The following TRPM3 variants were observed in gnomAD, a reference collection of about 807,000 sequenced individuals.
The protein encoded by TRPM3 is transient receptor potential cation channel subfamily M member 3, also known as long transient receptor potential channel 3.
TRPM3 carries 77 observed loss-of-function variants against 181.2 expected under a neutral mutation model. The ratio of observed to expected loss-of-function variants is 0.42; its 90% CI spans 0.35 to 0.51. TRPM3 has a LOEUF of 0.51. TRPM3 is among the 20% of genes least tolerant of loss of function. The probability of loss-of-function intolerance (pLI) is 0.01; values close to 1 mark genes in which losing one functional copy is unlikely to be tolerated. For synonymous variants in TRPM3, 745 were observed against 796.4 expected (o/e 0.94, Z 1.09); for missense variants, 1,759 against 2,196.7 (o/e 0.80, Z 3.98).
chr9:70,748,860 G>A (rs1042008457), intron 8 of TRPM3, among the ~76,000 whole-genome samples: 2 of 152,046 alleles, frequency 1.3e-5, no homozygotes, highest in Non-Finnish European at 2.9e-5. Context: ...CTTGACTGAC[G>A]AGGGTTAAGA....
intron 6 of TRPM3, 21 bp from the exon 7 acceptor site, chr9:70,784,300 A>G (rs772712202): frequency 1.0e-5 from 16 of 1,556,408 alleles, no homozygotes; most frequent in Non-Finnish European, 1.3e-5. Context: ...AAAGGAAAAG[A>G]AAAGGAAAAA....
At chr9:70,595,791 G>A (rs117330557) in intron 21 of TRPM3, among the ~76,000 whole-genome samples, 2,651 of 152,226 alleles carry the variant, frequency 0.017, 31 homozygotes, top group Non-Finnish European at 0.026. Context: ...CATTGTTAAA[G>A]TGCAAAGAAG....
intron 7 of TRPM3, among the ~76,000 whole-genome samples, chr9:70,770,109 G>C (rs1028796894): frequency 2.6e-5 from 4 of 151,950 alleles, no homozygotes; most frequent in Non-Finnish European, 5.9e-5. Context: ...AAACTCAAAG[G>C]GTGTTTAGAA....
chr9:71,242,343 T>G (rs2081757837), intron 1 of TRPM3, among the ~76,000 whole-genome samples: 1 of 152,160 alleles, frequency 6.6e-6, no homozygotes, highest in South Asian at 2.1e-4. Flanking sequence ...AAATGTCTAA[T>G]TTCCCACAGA....
chr9:70,952,853 C>G (rs1343359207), intron 1 of TRPM3, among the ~76,000 whole-genome samples: 1 of 151,980 alleles, frequency 6.6e-6, no homozygotes, highest in East Asian at 1.9e-4. Flanking sequence ...TCAGGGAGAG[C>G]CTCTGAAGGA....
chr9:70,881,185 A>G (rs2095985262), intron 1 of TRPM3, among the ~76,000 whole-genome samples: 1 of 152,152 alleles, frequency 6.6e-6, no homozygotes, highest in Admixed American at 6.6e-5. Context: ...CCTTATGAGT[A>G]TCATGTGAGG....
intron 6 of TRPM3, among the ~76,000 whole-genome samples, chr9:70,801,728 C>A (rs2089131916): frequency 6.6e-6 from 1 of 151,724 alleles, no homozygotes; most frequent in Admixed American, 6.6e-5. Context: ...CTACTTGCTT[C>A]TTTCTACTGC....
intron 1 of TRPM3, among the ~76,000 whole-genome samples, chr9:71,160,401 A>G (rs903609086): frequency 6.6e-6 from 1 of 152,156 alleles, no homozygotes; most frequent in South Asian, 2.1e-4. Context: ...ATCTCTCTCT[A>G]CTTACACATA....
intron 7 of TRPM3, among the ~76,000 whole-genome samples, chr9:70,764,600 A>G (rs776032155): frequency 6.6e-6 from 1 of 152,112 alleles, no homozygotes; most frequent in Non-Finnish European, 1.5e-5. Context: ...TTTGAGCCCA[A>G]TTTCCCAGTT....
At chr9:70,807,696 A>AAGATGAGAGACTGTGAAGGC (rs1564388095) in intron 6 of TRPM3, among the ~76,000 whole-genome samples, 2 of 152,176 alleles carry the variant, frequency 1.3e-5, no homozygotes, top group African/African-American at 4.8e-5. Flanking sequence ...CAATCTACAG[A>AAGATGAGAGACTGTGAAGGC]AGATGAGAGA....
At chr9:71,259,645 A>G (rs779446727) in intron 1 of TRPM3, among the ~76,000 whole-genome samples, 1 of 152,136 alleles carries the variant, frequency 6.6e-6, no homozygotes, top group Non-Finnish European at 1.5e-5. Context: ...ATGACTAGTG[A>G]TGATGAGCCT....
Position 70,635,060 on chromosome 9 carries a change from T to TACACACAC in TRPM3, c.1632+143_1632+150dup, listed in dbSNP as rs5898155. 1.7e-4 allele frequency: 93 copies of TACACACAC among 547,018 alleles called. No homozygotes were observed. In the East Asian group the frequency reaches 1.8e-3, roughly 11 times the overall value. 33.9% of individuals were successfully genotyped at this position (547,018 alleles called of 1,614,324 possible). A position where few individuals can be genotyped will look rare whatever the true frequency, so the allele number is the denominator to read the frequency against. ...AGAAGCATCAGAGTTAAAAGACACATACACACACACACACACACACACTGT... is the reference window on the plus strand; with the variant it reads ...AGAAGCATCAGAGTTAAAAGACACATACACACACACACACACACACACACACACACTGT... On this transcript the variant is annotated intron_variant, in intron 12 of 25. Transcript: ENST00000677713.
rs1588922084 is a variant in TRPM3 at position 71,414,838 on chromosome 9, A to G, written c.183+31815T>C. On this transcript the variant is annotated intron_variant, in intron 1 of 24. Coordinates refer to the TRPM3 transcript ENST00000357533. ...AAATTAAAAATGTGTAGGAAAGACC[A>G]TATGTGCTTTGAGGTGACAGGAAAA... Among the ~76,000 whole-genome samples, 4 of 152,098 alleles carry G rather than the reference A, an allele frequency of 2.6e-5. No individual in the cohort carries two copies. In the South Asian group the frequency reaches 6.2e-4, roughly 24 times the overall value.
intron 25 of TRPM3, among the ~76,000 whole-genome samples, chr9:70,539,429 ACCCAGCCAAAGGT>A (rs932038546): frequency 4.1e-5 from 6 of 145,450 alleles, no homozygotes; most frequent in African/African-American, 1.5e-4. Flanking sequence ...GCTTCCCTTC[ACCCAGCCAAAGGT>A]CCCAGCCTGC....
intron 25 of TRPM3, among the ~76,000 whole-genome samples, chr9:70,540,090 G>A (rs753934665): frequency 2.6e-5 from 4 of 152,008 alleles, no homozygotes; most frequent in Non-Finnish European, 5.9e-5. Context: ...CTCCCGCCTC[G>A]GCCTCCCAAA....
intron 9 of TRPM3, among the ~76,000 whole-genome samples, chr9:70,643,019 T>C (rs568753153): frequency 9.8e-5 from 15 of 152,312 alleles, no homozygotes; most frequent in Non-Finnish European, 1.6e-4. Flanking sequence ...GTCCACACAT[T>C]GATGGGCTTA....
intron 1 of TRPM3, among the ~76,000 whole-genome samples, chr9:71,243,287 G>A (rs1264707735): frequency 6.6e-6 from 1 of 152,080 alleles, no homozygotes; most frequent in Non-Finnish European, 1.5e-5. Context: ...GCCTCTCAAA[G>A]TGCTGGGATT....
intron 1 of TRPM3, among the ~76,000 whole-genome samples, chr9:71,081,811 C>A (rs1016053129): frequency 6.6e-6 from 1 of 152,096 alleles, no homozygotes; most frequent in South Asian, 2.1e-4. Context: ...CTTGTTTTGG[C>A]ATTAAGCAAT....
intron 1 of TRPM3, among the ~76,000 whole-genome samples, chr9:71,068,631 C>T (rs1387656204): frequency 6.6e-6 from 1 of 152,178 alleles, no homozygotes; most frequent in Non-Finnish European, 1.5e-5. Flanking sequence ...CAAACAGGAC[C>T]TCTGTGTTAC....
Sources: allele counts gnomAD v4.1 joint callset (sites outside exome capture counted in the v4.1 genomes callset), GRCh38; gene constraint gnomAD v4.1.1; transcripts MANE v1.5; gene names NCBI Gene and HGNC (gene_info 2026-07-23, HGNC 2026-07-21).